Variants in GPR176 observed in about 807,000 individuals in gnomAD.
The protein encoded by GPR176 is G-protein coupled receptor 176.
In GPR176, 26 loss-of-function variants were observed where a neutral mutation model predicts 35.4. That is an observed-to-expected ratio of 0.74 (90% confidence interval 0.54 to 1.02). GPR176 has a LOEUF of 1.02. Ranked by LOEUF, GPR176 falls within the 50% of genes least tolerant of loss-of-function variation. The pLI is 0.00. For synonymous variants in GPR176, 278 were observed against 271.3 expected (o/e 1.02, Z -0.24); for missense variants, 597 against 665.3 (o/e 0.90, Z 1.13).
At chr15:39,853,574 T>C (rs2031014217) in intron 1 of GPR176, among the ~76,000 whole-genome samples, 1 of 152,238 alleles carries the variant, frequency 6.6e-6, no homozygotes, top group Admixed American at 6.5e-5. Flanking sequence ...AACATAATTT[T>C]TTAAAATACC....
chr15:39,832,097 C>T (rs1901125107), intron 1 of GPR176, among the ~76,000 whole-genome samples: 1 of 151,750 alleles, frequency 6.6e-6, no homozygotes, highest in Admixed American at 6.6e-5. Context: ...ATACAAATGG[C>T]CAATAAGCAC....
intron 1 of GPR176, among the ~76,000 whole-genome samples, chr15:39,825,375 C>T (rs1055334465): frequency 1.3e-5 from 2 of 152,058 alleles, no homozygotes; most frequent in African/African-American, 2.4e-5. Flanking sequence ...TTTACACATG[C>T]TGTTCTTTGT....
At position 39,871,264 on chromosome 15, in the gene GPR176, C is replaced by T. The variant is rs566422248; in HGVS notation, c.172+48591G>A. On this transcript the variant is annotated intron_variant, in intron 1 of 2. Coordinates refer to ENST00000561100, the MANE Select transcript of GPR176 (RefSeq NM_007223.3). Reference sequence around the variant, plus strand: ...TAACTTGCATCATATCCTCAACAAGCCAGTGGCCCAAAACAGATGAAGAAC... The same window carrying T: ...TAACTTGCATCATATCCTCAACAAGTCAGTGGCCCAAAACAGATGAAGAAC... Among the ~76,000 whole-genome samples the T allele has an allele frequency of 1.4e-4, 21 of 152,182 alleles. No homozygotes were observed. The South Asian group carries it at 4.1e-3, about 30-fold the overall frequency.
At chr15:39,878,239 T>A (rs897220099) in intron 1 of GPR176, among the ~76,000 whole-genome samples, 3 of 151,982 alleles carry the variant, frequency 2.0e-5, no homozygotes, top group Non-Finnish European at 2.9e-5. Context: ...ATATTAATCC[T>A]GTACAACTGA....
chr15:39,881,229 C>T (rs1394580499), intron 1 of GPR176, among the ~76,000 whole-genome samples: 1 of 152,188 alleles, frequency 6.6e-6, no homozygotes, highest in Non-Finnish European at 1.5e-5. Context: ...CCCAACAGAC[C>T]ATAAACCGGC....
At position 39,832,757 on chromosome 15, in the gene GPR176, C is replaced by T. The variant is rs146330581; in HGVS notation, c.173-25499G>A. 2.7e-3 allele frequency among the ~76,000 whole-genome samples: 410 copies of T among 152,076 alleles called. 2 individuals are homozygous for T. Among genetic ancestry groups the T allele is most frequent in the African/African-American group, 9.3e-3 (388 of 41,512 alleles). The stretch of plus-strand genomic sequence containing the variant: ...CTACATTCAAAGCCATCCTTGGCTA[C>T]GTGCAGCTCAGGGGCCACAGGTTGG... On this transcript the variant is annotated intron_variant, in intron 1 of 2. Coordinates refer to ENST00000561100, the MANE Select transcript of GPR176 (RefSeq NM_007223.3).
At chr15:39,885,697 G>A (rs376960915) in intron 1 of GPR176, among the ~76,000 whole-genome samples, 1 of 152,150 alleles carries the variant, frequency 6.6e-6, no homozygotes, top group East Asian at 1.9e-4. Flanking sequence ...ATATCTTCTG[G>A]ATCTTGTTAT....
intron 1 of GPR176, chr15:39,860,693 T>C (rs2140825883): frequency 6.6e-6 from 1 of 152,350 alleles, no homozygotes; most frequent in African/African-American, 2.4e-5. Context: ...AGAAGCTAAC[T>C]TAGACCTGCT....
chr15:39,871,774 CCTTT>C (rs1461601135), intron 1 of GPR176, among the ~76,000 whole-genome samples: 1 of 152,184 alleles, frequency 6.6e-6, no homozygotes, highest in Non-Finnish European at 1.5e-5. Context: ...TGGAGTGATA[CCTTT>C]CTATTACTTG....
chr15:39,897,597 A>ATTTTTTTT (rs1491229135), intron 1 of GPR176, among the ~76,000 whole-genome samples: 11 of 93,846 alleles, frequency 1.2e-4, no homozygotes, highest in African/African-American at 4.5e-4. Context: ...AAACATCCAA[A>ATTTTTTTT]TATTTTTTTT....
At chr15:39,919,670 G>T (rs749073985) in intron 1 of GPR176, among the ~76,000 whole-genome samples, 185 bp downstream of exon 1, 69 of 152,278 alleles carry the variant, frequency 4.5e-4, no homozygotes, top group Non-Finnish European at 7.8e-4. Flanking sequence ...GCTCCCGCGT[G>T]GGGGCTGGAG....
intron 1 of GPR176, among the ~76,000 whole-genome samples, chr15:39,824,462 G>A (rs1425901790): frequency 6.6e-6 from 1 of 152,134 alleles, no homozygotes; most frequent in African/African-American, 2.4e-5. Context: ...AACCACCAAT[G>A]CACATCAGGC....
At chr15:39,895,029 G>T (rs956031751) in intron 1 of GPR176, among the ~76,000 whole-genome samples, 48 of 152,362 alleles carry the variant, frequency 3.2e-4, no homozygotes, top group African/African-American at 1.1e-3. Flanking sequence ...AGGGGTTGGA[G>T]ACCGGCCTGG....
intron 1 of GPR176, among the ~76,000 whole-genome samples, chr15:39,885,239 A>C (rs543714934): frequency 1.9e-4 from 29 of 152,350 alleles, no homozygotes; most frequent in Middle Eastern, 3.4e-3. Flanking sequence ...GCTCCTCAGC[A>C]ACCTCTGAGG....
chr15:39,854,236 T>C (rs1000032131), intron 1 of GPR176, among the ~76,000 whole-genome samples: 2 of 152,160 alleles, frequency 1.3e-5, no homozygotes, highest in Non-Finnish European at 2.9e-5. Flanking sequence ...AATCAGGACC[T>C]GTGATGTAAA....
Position 39,807,230 on chromosome 15 carries a change from G to A in GPR176, c.201C>T (p.Cys67=). 2 of 1,603,344 alleles carry A rather than the reference G, an allele frequency of 1.2e-6. No individual in the cohort carries two copies. Among genetic ancestry groups the A allele is most frequent in the Non-Finnish European group, 1.7e-6 (2 of 1,174,798 alleles). The change falls in exon 2 of 3, where the codon TGC becomes TGT. Residue 67 remains cysteine (C), a synonymous_variant. Coordinates refer to ENST00000561100, the MANE Select transcript of GPR176 (RefSeq NM_007223.3). ...LGNFMVLWST[C]RTTVFKSVTN... is the part of the protein sequence containing the mutation. ...TGACAGATTTGAACACGGTTGTGCG[G>A]CAAGTTGACCATAACACCATGAAGT... is the stretch of plus-strand genomic sequence containing the variant.
In GPR176 at chr15:39,913,256, A is replaced by G. The variant is rs113280090; in HGVS notation, c.172+6599T>C. Among the ~76,000 whole-genome samples, 281 of 152,304 alleles carry G rather than the reference A, an allele frequency of 1.8e-3. 1 individual carries two copies. The highest frequency in any genetic ancestry group is 6.4e-3 in the African/African-American group (265 of 41,570). On this transcript the variant is annotated intron_variant, in intron 1 of 2. Coordinates refer to ENST00000561100, the MANE Select transcript of GPR176 (RefSeq NM_007223.3). ...GGAACAGGTAAATTTATAGAAACAG[A>G]AAGTAGGGCCAGGCCTGGAGGCTAA...
intron 1 of GPR176, among the ~76,000 whole-genome samples, chr15:39,897,596 AAT>A (rs1305917056): frequency 7.1e-4 from 81 of 113,716 alleles, no homozygotes; most frequent in African/African-American, 2.0e-3. Flanking sequence ...GAAACATCCA[AAT>A]ATTTTTTTTT....
chr15:39,874,290 A>T (rs2032159031), intron 1 of GPR176, among the ~76,000 whole-genome samples: 1 of 152,212 alleles, frequency 6.6e-6, no homozygotes, highest in Non-Finnish European at 1.5e-5. Flanking sequence ...GTTATGTCAG[A>T]TGCTTACCAA....
Sources: allele counts gnomAD v4.1 joint callset (sites outside exome capture counted in the v4.1 genomes callset), GRCh38; gene constraint gnomAD v4.1.1; transcripts MANE v1.5; gene names NCBI Gene and HGNC (gene_info 2026-07-23, HGNC 2026-07-21).